Variants in PAPPA observed in about 807,000 individuals in gnomAD.
PAPPA encodes the protein pappalysin 1.
Under a neutral mutation model 164.0 loss-of-function variants are expected in PAPPA, and 60 were observed. That is an observed-to-expected ratio of 0.37 (90% CI 0.30 to 0.45). The LOEUF (loss-of-function observed/expected upper bound fraction) is 0.45. PAPPA is among the 20% of genes least tolerant of loss of function. The pLI, the probability that PAPPA is intolerant of heterozygous loss-of-function variation, is 1.00. For missense variants in PAPPA, 1,782 were observed against 2,087.3 expected (o/e 0.85, Z 2.85); for synonymous variants, 875 against 814.1 (o/e 1.07, Z -1.27).
chr9:116,191,714 A>G (rs1844044686), intron 2 of PAPPA, among the ~76,000 whole-genome samples: 1 of 152,208 alleles, frequency 6.6e-6, no homozygotes, highest in Non-Finnish European at 1.5e-5. Context: ...TTGAGTAGGC[A>G]TTTGAGAATA....
chr9:116,355,505 C>G (rs1846341159), intron 17 of PAPPA, among the ~76,000 whole-genome samples: 1 of 152,138 alleles, frequency 6.6e-6, no homozygotes, highest in South Asian at 2.1e-4. Flanking sequence ...GGAGTCATTC[C>G]CATCCTTGAC....
intron 17 of PAPPA, among the ~76,000 whole-genome samples, chr9:116,359,383 C>A (rs1846394881): frequency 6.6e-6 from 1 of 152,166 alleles, no homozygotes; most frequent in African/African-American, 2.4e-5. Context: ...AAAACAGATG[C>A]ACAGGCACAG....
intron 17 of PAPPA, among the ~76,000 whole-genome samples, chr9:116,358,740 C>T (rs1473804828): frequency 6.6e-6 from 1 of 152,214 alleles, no homozygotes; most frequent in Non-Finnish European, 1.5e-5. Flanking sequence ...TCTCTTCTTT[C>T]CCTTCATCCC....
At chr9:116,166,474 C>CTGTTGCTT (rs1310270763) in intron 1 of PAPPA, among the ~76,000 whole-genome samples, 2 of 152,140 alleles carry the variant, frequency 1.3e-5, no homozygotes, top group East Asian at 3.9e-4. Flanking sequence ...CAGTCTTCAC[C>CTGTTGCTT]CATTTCCCTC....
intron 4 of PAPPA, among the ~76,000 whole-genome samples, chr9:116,219,371 A>G (rs1254688943): frequency 6.6e-6 from 1 of 152,244 alleles, no homozygotes; most frequent in African/African-American, 2.4e-5. Context: ...CAGAGCAGAA[A>G]TGTAGTAGAC....
At chr9:116,277,414 T>C (rs1845212610) in intron 9 of PAPPA, among the ~76,000 whole-genome samples, 1 of 152,264 alleles carries the variant, frequency 6.6e-6, no homozygotes, top group East Asian at 1.9e-4. Context: ...GTTGGTGGCA[T>C]TCTTAACACT....
chr9:116,326,078 G>T (rs1230435077), intron 10 of PAPPA, among the ~76,000 whole-genome samples: 1 of 152,086 alleles, frequency 6.6e-6, no homozygotes, highest in Non-Finnish European at 1.5e-5. Flanking sequence ...GACTGTTGGA[G>T]AGGACTGTCC....
Position 116,396,674 on chromosome 9 carries a change from T to A in PAPPA, c.*58T>A. ...CGCCAGGACCCACATCCCTTTGGTATTGATTTCACAGTCAGCTGCTCAACG... is the reference window on the plus strand; with the variant it reads ...CGCCAGGACCCACATCCCTTTGGTAATGATTTCACAGTCAGCTGCTCAACG... On this transcript the variant is annotated 3_prime_UTR_variant, in exon 22 of 22. Coordinates refer to ENST00000328252, the MANE Select transcript of PAPPA (RefSeq NM_002581.5). 1.3e-6 allele frequency: 1 copy of A among 759,062 alleles called. No homozygotes were observed. The highest frequency in any genetic ancestry group is 2.5e-6 in the Non-Finnish European group (1 of 405,820). The allele number at this position is 759,062 out of a possible 1,614,324, so 47.0% of individuals were successfully genotyped here. A position where few individuals can be genotyped will look rare whatever the true frequency, so the allele number is the denominator to read the frequency against.
chr9:116,387,118 A>G (rs1401389741), intron 21 of PAPPA, among the ~76,000 whole-genome samples: 1 of 152,048 alleles, frequency 6.6e-6, no homozygotes, highest in African/African-American at 2.4e-5. Flanking sequence ...GCACCTTCCT[A>G]AATCACAGGA....
At chr9:116,203,964 G>A (rs1844201697) in intron 2 of PAPPA, among the ~76,000 whole-genome samples, 1 of 152,210 alleles carries the variant, frequency 6.6e-6, no homozygotes, top group Non-Finnish European at 1.5e-5. Flanking sequence ...GTTGTAGAAG[G>A]AAGAAGGCTG....
intron 3 of PAPPA, among the ~76,000 whole-genome samples, chr9:116,210,861 G>A (rs914820830): frequency 1.3e-5 from 2 of 152,134 alleles, no homozygotes; most frequent in Non-Finnish European, 2.9e-5. Context: ...GTCCTCAAGT[G>A]ATGTACTTGA....
In PAPPA at chr9:116,154,426, G is replaced by C; in HGVS notation, c.254G>C (p.Gly85Ala). 1 of 1,251,406 alleles carries C rather than the reference G, an allele frequency of 8.0e-7. No individual in the cohort carries two copies. The highest frequency in any genetic ancestry group is 1.0e-6 in the Non-Finnish European group (1 of 992,122). 77.5% of individuals were successfully genotyped at this position (1,251,406 alleles called of 1,614,324 possible). The part of the protein sequence containing the change: ...PRRRQQREAR[G>A]ATEEPSPPSR... The stretch of plus-strand genomic sequence containing the variant: ...CGGCGGCAGCAGCGGGAGGCGAGGG[G>C]CGCCACCGAGGAGCCGAGCCCGCCG... The change falls in exon 1 of 22, where the codon GGC (glycine) becomes GCC (alanine). Residue 85 changes from glycine (G) to alanine (A), a missense_variant. Gly to Ala is a moderately conservative substitution (Grantham distance 60). Transcript: ENST00000328252. This position sits in a 1 kb window ranked among gnomAD's most constrained non-coding sequence, Gnocchi z 5.2.
chr9:116,200,118 C>T (rs1844155089), intron 2 of PAPPA, among the ~76,000 whole-genome samples: 2 of 152,116 alleles, frequency 1.3e-5, no homozygotes, highest in African/African-American at 4.8e-5. Context: ...ATTGCTGTCC[C>T]CTCCAGCTTC....
chr9:116,356,119 C>T (rs895375407), intron 17 of PAPPA, among the ~76,000 whole-genome samples: 1 of 152,182 alleles, frequency 6.6e-6, no homozygotes, highest in Non-Finnish European at 1.5e-5. Flanking sequence ...ACACTCTCTT[C>T]CACTGCCACT....
chr9:116,344,746 A>C, intron 14 of PAPPA, 35 bp downstream of exon 14: 1 of 1,587,240 alleles, frequency 6.3e-7, no homozygotes, highest in Non-Finnish European at 8.6e-7. Context: ...GCCTCTCTGC[A>C]GCCCAGGGAA....
Position 116,271,398 on chromosome 9 carries a change from G to C in PAPPA, c.2935G>C (p.Val979Leu). 2 of 1,612,532 alleles carry C rather than the reference G, an allele frequency of 1.2e-6. No homozygotes were observed. The highest frequency in any genetic ancestry group is 1.7e-6 in the Non-Finnish European group (2 of 1,178,504). ...CTGCTCCCTTTTCTGCCGACAAGAAGTCTCCTTCAATTGTATTGGTACGTC... is the reference window on the plus strand; with the variant it reads ...CTGCTCCCTTTTCTGCCGACAAGAACTCTCCTTCAATTGTATTGGTACGTC... ...DGCSLFCRQE[V>L]SFNCIDEPSR... is the part of the protein sequence containing the mutation. The change falls in exon 9 of 22, where the codon GTC (valine) becomes CTC (leucine). Residue 979 changes from valine to leucine, a missense_variant. Val to Leu is a conservative substitution (Grantham distance 32). Around this residue, in one of 2 missense-constraint regions of PAPPA, gnomAD observed 1,324 missense variants for 1,656.9 expected, o/e 0.80. Transcript: ENST00000328252. The surrounding 1 kb of genome is among the most constrained non-coding windows in gnomAD (Gnocchi z 4.2).
chr9:116,266,520 T>C (rs1168042305), intron 8 of PAPPA, among the ~76,000 whole-genome samples: 1 of 152,192 alleles, frequency 6.6e-6, no homozygotes, highest in South Asian at 2.1e-4. Context: ...AAACCATAAA[T>C]AATAAACAGT....
intron 1 of PAPPA, among the ~76,000 whole-genome samples, chr9:116,175,660 C>A (rs544618901): frequency 8.5e-5 from 13 of 152,108 alleles, no homozygotes; most frequent in African/African-American, 2.7e-4. Flanking sequence ...TTATTGAGGA[C>A]TTATGTCCTA....
In PAPPA at chr9:116,400,548, C is replaced by T. The variant is rs1847036455; in HGVS notation, c.*3932C>T. On this transcript the variant is annotated 3_prime_UTR_variant, in exon 22 of 22. Transcript: ENST00000328252. The stretch of plus-strand genomic sequence containing the variant: ...CACGTTATAAAATGTTTATATTTAC[C>T]AGTACAGCACTGGGCTTTATAAAGA... The T allele has an allele frequency of 6.6e-6, 1 of 152,020 alleles. No individual in the cohort carries two copies. Among genetic ancestry groups the T allele is most frequent in the Admixed American group, 6.6e-5 (1 of 15,246 alleles). The allele number at this position is 152,020 out of a possible 1,614,324, so 9.4% of individuals were successfully genotyped here. A position where few individuals can be genotyped will look rare whatever the true frequency, so the allele number is the denominator to read the frequency against.
Sources: gnomAD v4.1 joint callset for allele counts (sites outside exome capture counted in the v4.1 genomes callset) on GRCh38, gnomAD v4.1.1 for gene constraint, gnomAD v4.1.1 regional missense constraint, Gnocchi (gnomAD v3.1) non-coding constraint, MANE v1.5 for transcripts, NCBI Gene and HGNC (gene_info 2026-07-23, HGNC 2026-07-21) for gene names.